Variants in CERS2 observed in about 807,000 individuals in gnomAD.
The protein encoded by CERS2 is LAG1 homolog, ceramide synthase 2.
A neutral mutation model predicts 56.6 loss-of-function variants in CERS2; 20 were observed. The observed-to-expected ratio is 0.35, with a 90% CI of 0.25 to 0.51. The LOEUF is 0.51. Ranked by LOEUF, CERS2 falls within the 20% of genes least tolerant of loss-of-function variation. CERS2 has a pLI of 0.96. For missense variants in CERS2, 361 were observed against 488.6 expected, an observed-to-expected ratio of 0.74 and a Z score of 2.46; for synonymous variants, 187 against 175.4, an observed-to-expected ratio of 1.07 and a Z score of -0.52.
Position 150,969,147 on chromosome 1 carries a change from T to C in CERS2, c.-1-56A>G, listed in dbSNP as rs6700469. The C allele has an allele frequency of 8.8e-5, 133 of 1,519,928 alleles. 1 individual carries two copies. In the East Asian group the frequency reaches 1.2e-3, roughly 13 times the overall value. 94.2% of individuals were successfully genotyped at this position (1,519,928 alleles called of 1,614,324 possible). A position where few individuals can be genotyped will look rare whatever the true frequency, so the allele number is the denominator to read the frequency against. On this transcript the variant is annotated intron_variant, in intron 1 of 10. Transcript: ENST00000368954. ...GAGGGAGTAGCTATGGAGGAAGAGA[T>C]AGATGAATAAAAGTTTTCAGGATGT...
In CERS2 at chr1:150,968,220, C is replaced by G. The variant is rs1671078677; in HGVS notation, c.292-19G>C. ...CTTCCACCTGGGCACAGTGAAGAAG[C>G]CCATTGTTATGTTTACCTTCGGAAC... On this transcript the variant is annotated intron_variant, in intron 3 of 10. Coordinates refer to ENST00000368954, the MANE Select transcript of CERS2 (RefSeq NM_022075.5). The G allele has an allele frequency of 6.2e-7, 1 of 1,605,102 alleles. No homozygotes were observed. The highest frequency in any genetic ancestry group is 1.3e-5 in the African/African-American group (1 of 74,958).
chr1:150,966,019 G>T lies in CERS2; in HGVS notation c.*129C>A, dbSNP rs1670999687. On this transcript the variant is annotated 3_prime_UTR_variant, in exon 11 of 11. Coordinates refer to ENST00000368954, the MANE Select transcript of CERS2 (RefSeq NM_022075.5). ...AAGGCAACTGGGTGACAAGCAAGGA[G>T]GGAGGATGCAGAGAACTCTCCTCTC... 3 of 973,582 alleles carry T rather than the reference G, an allele frequency of 3.1e-6. No individual in the cohort carries two copies. Among genetic ancestry groups the T allele is most frequent in the Non-Finnish European group, 4.5e-6 (3 of 672,142 alleles). 60.3% of individuals were successfully genotyped at this position (973,582 alleles called of 1,614,324 possible). A position where few individuals can be genotyped will look rare whatever the true frequency, so the allele number is the denominator to read the frequency against.
Position 150,967,410 on chromosome 1 carries a change from G to A in CERS2, c.594C>T (p.Ala198=), listed in dbSNP as rs1475545724. 1 of 1,599,464 alleles carries A rather than the reference G, an allele frequency of 6.3e-7. No homozygotes were observed. The highest frequency in any genetic ancestry group is 1.1e-5 in the South Asian group (1 of 90,750). ...SFYWSLLFSI[A]SDVKRKDFKE... is the part of the protein sequence containing the mutation. ...CACCCACCTTTCGCTTGACATCAGA[G>A]GCAATGCTGAAGAGCAGGGACCAGT... Residue 198 remains alanine (A), a synonymous_variant, in exon 7 of 11, where the codon GCC becomes GCT. Coordinates refer to ENST00000368954, the MANE Select transcript of CERS2 (RefSeq NM_022075.5).
At chr1:150,969,914 G>T (rs891778020) in intron 1 of CERS2, among the ~76,000 whole-genome samples, 6 of 152,068 alleles carry the variant, frequency 3.9e-5, no homozygotes, top group African/African-American at 1.4e-4. Flanking sequence ...CATCTGAGTA[G>T]CAAGTCCCTA....
chr1:150,967,354 T>G (rs757091487), intron 7 of CERS2, 38 bp downstream of exon 7: 1 of 1,463,680 alleles, frequency 6.8e-7, no homozygotes, highest in Admixed American at 1.7e-5. Context: ...GGGCCTCATT[T>G]TGGCTCTGAG....
intron 1 of CERS2, chr1:150,971,870 C>T (rs931777539): frequency 4.2e-6 from 2 of 471,034 alleles, no homozygotes; most frequent in African/African-American, 4.0e-5. Context: ...CTCTTGGAGC[C>T]CAACTTCTCC....
chr1:150,968,595 G>C, intron 2 of CERS2, 83 bp from the exon 3 acceptor site: 1 of 1,113,984 alleles, frequency 9.0e-7, no homozygotes, highest in Non-Finnish European at 1.4e-6. Context: ...CCTGGCCTCA[G>C]TTTCCCCAGC....
chr1:150,969,965 C>G (rs587700963), intron 1 of CERS2, among the ~76,000 whole-genome samples: 2 of 152,232 alleles, frequency 1.3e-5, no homozygotes, highest in South Asian at 4.1e-4. Flanking sequence ...CAGTAGCTCA[C>G]GCCTGAAATC....
At chr1:150,971,575 T>G (rs1056896900) in intron 1 of CERS2, among the ~76,000 whole-genome samples, 5 of 148,332 alleles carry the variant, frequency 3.4e-5, no homozygotes, top group Non-Finnish European at 5.9e-5. Flanking sequence ...CCCTGCCCCC[T>G]CCACCTCAGC....
chr1:150,970,154 G>A (rs995968828), intron 1 of CERS2, among the ~76,000 whole-genome samples: 33 of 150,548 alleles, frequency 2.2e-4, no homozygotes, highest in Admixed American at 1.3e-4. Context: ...CTTGAGCCTG[G>A]GAGGTGAAGG....
chr1:150,969,804 C>T (rs57734108), intron 1 of CERS2, among the ~76,000 whole-genome samples: 10,931 of 152,150 alleles, frequency 0.072, 1,343 homozygotes, highest in African/African-American at 0.25. Context: ...GCCACTTCCT[C>T]GAGCCTCCAA....
intron 8 of CERS2, 61 bp from the exon 9 acceptor site, chr1:150,966,923 G>A: frequency 7.0e-7 from 1 of 1,434,780 alleles, no homozygotes; most frequent in Non-Finnish European, 9.8e-7. Context: ...ACATTCATAT[G>A]TACACTCCAG....
rs751318583 is a variant in CERS2, at chr1:150,965,852, A to G, written c.*296T>C. On this transcript the variant is annotated 3_prime_UTR_variant, in exon 11 of 11. Coordinates refer to ENST00000368954, the MANE Select transcript of CERS2 (RefSeq NM_022075.5). ...ATAAGGAATGTGAATTGTAACCCCT[A>G]CCCACAGAGAGCTGAGGGAGGGCCT... 1 of 312,322 alleles carries G rather than the reference A, an allele frequency of 3.2e-6. No individual in the cohort carries two copies. The highest frequency in any genetic ancestry group is 6.8e-5 in the East Asian group (1 of 14,700). 19.3% of individuals were successfully genotyped at this position (312,322 alleles called of 1,614,324 possible).
Position 150,968,414 on chromosome 1 carries a change from C to T in CERS2, c.272G>A (p.Ser91Asn). The part of the protein sequence containing the change: ...NATLEHFYLT[S>N]GKQPKQVEVE... ...TCATACCTGCTTGGGCTGCTTGCCA[C>T]TGGTCAGGTAGAAATGTTCCAAGGT... Residue 91 changes from serine to asparagine, a missense_variant, in exon 3 of 11, where the codon AGT (serine) becomes AAT (asparagine). By Grantham distance (46) the Ser-to-Asn change is conservative. This residue lies in a region of CERS2 where 236 missense variants were observed against 309.2 expected (regional missense o/e 0.76). Transcript: ENST00000368954. 6.2e-7 allele frequency: 1 copy of T among 1,614,144 alleles called. No homozygotes were observed. Among genetic ancestry groups the T allele is most frequent in the Non-Finnish European group, 8.5e-7 (1 of 1,179,970 alleles).
rs1373220261 is a variant in CERS2 at position 150,967,871 on chromosome 1, T to C, written c.417A>G (p.Arg139=). The change falls in exon 5 of 11, where the codon AGA becomes AGG. Residue 139 remains arginine (R), a synonymous_variant. Coordinates refer to ENST00000368954, the MANE Select transcript of CERS2 (RefSeq NM_022075.5). Reference sequence around the variant, plus strand: ...TGAAGGCAATCAGGTAAAATGTGAATCTCCAGCTGGCAGAGGAAGCAGAAA... The same window carrying C: ...TGAAGGCAATCAGGTAAAATGTGAACCTCCAGCTGGCAGAGGAAGCAGAAA... ...LLKKFREASW[R]FTFYLIAFIA... The C allele has an allele frequency of 1.2e-6, 2 of 1,613,220 alleles. No individual in the cohort carries two copies. The highest frequency in any genetic ancestry group is 1.7e-6 in the Non-Finnish European group (2 of 1,179,396).
At position 150,968,131 on chromosome 1, in the gene CERS2, C is replaced by T. The variant is rs1391378844; in HGVS notation, c.362G>A (p.Arg121His). The T allele has an allele frequency of 5.6e-6, 9 of 1,609,686 alleles. No individual in the cohort carries two copies. Among genetic ancestry groups the T allele is most frequent in the African/African-American group, 1.3e-5 (1 of 75,064 alleles). The change falls in exon 4 of 11, where the codon CGC becomes CAC. Residue 121 changes from arginine to histidine, a missense_variant. Physicochemically the swap from Arg to His is conservative, Grantham distance 29. Around this residue, in one of 3 missense-constraint regions of CERS2, gnomAD observed 236 missense variants for 309.2 expected, o/e 0.76. Coordinates refer to ENST00000368954, the MANE Select transcript of CERS2 (RefSeq NM_022075.5). ...GAGACTGGGCCGGTCCTGGTTGCGG[C>T]GGCGACGGAACCAACGCTCTACCTG... ...GRQVERWFRR[R>H]RNQDRPSLLK...
intron 10 of CERS2, 27 bp from the exon 11 acceptor site, chr1:150,966,315 T>G (rs374080024): frequency 6.2e-7 from 1 of 1,610,498 alleles, no homozygotes; most frequent in East Asian, 2.2e-5. Flanking sequence ...AGAAGGGTTA[T>G]TACATGAGAT....
chr1:150,967,596 T>C, intron 6 of CERS2, 68 bp downstream of exon 6: 1 of 1,497,034 alleles, frequency 6.7e-7, no homozygotes, highest in Non-Finnish European at 9.3e-7. Context: ...CTGCCATGGA[T>C]TCCACAAACC....
Position 150,967,074 on chromosome 1 carries a change from C to CTCCAGCA in CERS2, c.734_740dup (p.Glu247AspfsTer9). 1 of 1,614,070 alleles carries CTCCAGCA rather than the reference C, an allele frequency of 6.2e-7. No individual in the cohort carries two copies. Among genetic ancestry groups the CTCCAGCA allele is most frequent in the Non-Finnish European group, 8.5e-7 (1 of 1,179,978 alleles). The stretch of plus-strand genomic sequence containing the variant: ...GTCTCTAGATTTGAGGAAGCCTGAC[C>CTCCAGCA]TCCAGCAGGTAATCGGAAGAGTCAT... On this transcript the variant is annotated frameshift_variant and splice_region_variant, in exon 8 of 11. Transcript: ENST00000368954. LOFTEE classifies it high-confidence loss of function.
Sources: allele counts gnomAD v4.1 joint callset (sites outside exome capture counted in the v4.1 genomes callset), GRCh38; gene constraint gnomAD v4.1.1; regional missense constraint gnomAD v4.1.1; transcripts MANE v1.5; gene names NCBI Gene and HGNC (gene_info 2026-07-23, HGNC 2026-07-21).